Variants in POLR3A observed in about 807,000 individuals in gnomAD.
POLR3A encodes the protein RNA polymerase III subunit A, also known as DNA-directed RNA polymerase III subunit RPC1.
A neutral mutation model predicts 152.8 loss-of-function variants in POLR3A; 112 were observed. The observed-to-expected ratio is 0.73, with a 90% CI of 0.63 to 0.86. POLR3A has a LOEUF of 0.86. Among genes scored for constraint, POLR3A ranks in the 40% least tolerant of loss-of-function variants. The pLI, the probability that POLR3A is intolerant of heterozygous loss-of-function variation, is 0.00. For synonymous variants in POLR3A, 615 were observed against 652.1 expected (o/e 0.94, Z 0.87); for missense variants, 1,385 against 1,743.1 (o/e 0.79, Z 3.66).
intron 19 of POLR3A, among the ~76,000 whole-genome samples, chr10:77,996,646 G>A (rs2131939388): frequency 6.6e-6 from 1 of 151,172 alleles, no homozygotes; most frequent in African/African-American, 2.4e-5. Flanking sequence ...CCAATAACAG[G>A]AGCTGAAATT....
chr10:78,000,810 C>T (rs538849712), intron 18 of POLR3A, among the ~76,000 whole-genome samples, 166 bp downstream of exon 18: 1 of 152,322 alleles, frequency 6.6e-6, no homozygotes, highest in African/African-American at 2.4e-5. Flanking sequence ...AGGCATGAGA[C>T]ACTGTGCCCG....
intron 11 of POLR3A, 94 bp downstream of exon 11, chr10:78,013,556 G>GCT: frequency 1.6e-6 from 2 of 1,275,166 alleles, no homozygotes; most frequent in Non-Finnish European, 2.3e-6. Flanking sequence ...GGCTTCTTTG[G>GCT]CGTTGTTAGT....
rs1847621021 is a variant in POLR3A, at chr10:78,025,209, T to C, written c.319-67A>G. ...ATGAAAAATTATTTTCTTTTAAAAA[T>C]GCCATCGCCCTGTTTTGTACCCTTA... On this transcript the variant is annotated intron_variant, in intron 3 of 30. Transcript: ENST00000372371. The C allele has an allele frequency of 1.1e-5, 17 of 1,563,498 alleles. 2 individuals carry two copies. The South Asian group carries it at 1.2e-4, about 11-fold the overall frequency.
intron 1 of POLR3A, among the ~76,000 whole-genome samples, chr10:78,027,509 A>C (rs2559660): frequency 7.2e-5 from 11 of 152,014 alleles, no homozygotes; most frequent in African/African-American, 2.2e-4. Context: ...AATACAAAAA[A>C]TTTGCTAGGC....
Position 78,020,173 on chromosome 10 carries a change from CAA to C in POLR3A, c.1186-910_1186-909del, listed in dbSNP as rs34239022. 401 of 74,068 alleles carry C rather than the reference CAA, an allele frequency of 5.4e-3. 2 individuals are homozygous for C. The highest frequency in any genetic ancestry group is 8.4e-3 in the East Asian group (21 of 2,500). The allele number at this position is 74,068 out of a possible 1,614,324, so 4.6% of individuals were successfully genotyped here. On this transcript the variant is annotated intron_variant, in intron 8 of 30. Transcript: ENST00000372371. ...TGGGCAATAGAGTGAGACTCAGTCT[CAA>C]AAAAAAAAAAAAAAAAAAAGTGCTA...
chr10:77,985,452 A>G, intron 23 of POLR3A, 112 bp from the exon 24 acceptor site: 1 of 827,712 alleles, frequency 1.2e-6, no homozygotes, highest in Non-Finnish European at 2.1e-6. Flanking sequence ...AGATGCTATT[A>G]GGGTCGGAAA....
intron 17 of POLR3A, among the ~76,000 whole-genome samples, chr10:78,001,310 G>A (rs1238329132): frequency 1.3e-5 from 2 of 152,174 alleles, no homozygotes; most frequent in Non-Finnish European, 2.9e-5. Flanking sequence ...AGCATGTGTG[G>A]GTTGGAGGAA....
intron 21 of POLR3A, 127 bp from the exon 22 acceptor site, chr10:77,986,286 T>A: frequency 1.4e-6 from 1 of 726,644 alleles, no homozygotes; most frequent in South Asian, 1.4e-5. Flanking sequence ...ATATATAGTA[T>A]AAAGGACCCA....
In POLR3A at chr10:77,976,733, G is replaced by A. The variant is rs1173117882; in HGVS notation, c.*745C>T. On this transcript the variant is annotated 3_prime_UTR_variant, in exon 31 of 31. Transcript: ENST00000372371. ...GAGAATGGGTTTGGCTCTTGTCACA[G>A]GGTAGAGCCCCATGATAGGGGTCTG... is the stretch of plus-strand genomic sequence containing the variant. 1 of 152,318 alleles carries A rather than the reference G, an allele frequency of 6.6e-6. No individual in the cohort carries two copies. The highest frequency in any genetic ancestry group is 1.9e-4 in the East Asian group (1 of 5,200). The allele number at this position is 152,318 out of a possible 1,614,324, so 9.4% of individuals were successfully genotyped here.
In POLR3A at chr10:78,026,094, C is replaced by A; in HGVS notation, c.180G>T (p.Met60Ile). 1.2e-6 allele frequency: 2 copies of A among 1,614,026 alleles called. No homozygotes were observed. The highest frequency in any genetic ancestry group is 1.7e-6 in the Non-Finnish European group (2 of 1,179,946). The change falls in exon 2 of 31, where the codon ATG becomes ATT. Residue 60 changes from methionine to isoleucine, a missense_variant and splice_region_variant. Met to Ile is a conservative substitution (Grantham distance 10, BLOSUM62 1). Coordinates refer to ENST00000372371, the MANE Select transcript of POLR3A (RefSeq NM_007055.4). The stretch of plus-strand genomic sequence containing the variant: ...ACCAGGAGGGGTGAGGGGGCCTTAC[C>A]ATCCTATGGTCGAGCACCCCATATA... ...PLLYGVLDHR[M>I]GTSEKDRPCE...
intron 28 of POLR3A, among the ~76,000 whole-genome samples, chr10:77,981,868 C>CAAAAA (rs60259976): frequency 6.3e-5 from 4 of 63,842 alleles, no homozygotes; most frequent in African/African-American, 6.5e-5. Flanking sequence ...ACTAAAAATA[C>CAAAAA]AAAAAAAAAA....
At position 78,025,604 on chromosome 10, in the gene POLR3A, C is replaced by T. The variant is rs756112932; in HGVS notation, c.318+18G>A. On this transcript the variant is annotated intron_variant, in intron 3 of 30. Transcript: ENST00000372371. ...ACTCCAGAATTTATGTCTTGGAAAT[C>T]AGCACCTGTGTGCTTACCTGTAAGA... is the stretch of plus-strand genomic sequence containing the variant. 3.7e-6 allele frequency: 6 copies of T among 1,613,756 alleles called. No individual in the cohort carries two copies. The highest frequency in any genetic ancestry group is 2.2e-5 in the East Asian group (1 of 44,876).
rs112914474 is a variant in POLR3A at position 78,004,367 on chromosome 10, A to G, written c.2247+349T>C. Among the ~76,000 whole-genome samples the G allele has an allele frequency of 2.0e-3, 300 of 152,344 alleles. 3 individuals carry two copies. Among genetic ancestry groups the G allele is most frequent in the African/African-American group, 6.3e-3 (260 of 41,576 alleles). ...AGGCAGGAGCACTCGAGTACCAGTT[A>G]CAGAAGGGACCTGAGTGTGCCACCA... On this transcript the variant is annotated intron_variant, in intron 16 of 30. Transcript: ENST00000372371.
At chr10:77,995,686 A>T (rs1001108842) in intron 19 of POLR3A, among the ~76,000 whole-genome samples, 7 of 152,094 alleles carry the variant, frequency 4.6e-5, no homozygotes, top group Admixed American at 2.6e-4. Context: ...CTACAAAGAG[A>T]CTTAGACTCC....
intron 11 of POLR3A, among the ~76,000 whole-genome samples, chr10:78,010,846 T>C (rs1461010184): frequency 6.6e-6 from 1 of 151,186 alleles, no homozygotes; most frequent in East Asian, 1.9e-4. Flanking sequence ...AAGAAGATTT[T>C]ATTGTTGTTT....
At chr10:78,000,236 T>G in intron 18 of POLR3A, 118 bp from the exon 19 acceptor site, 1 of 835,858 alleles carries the variant, frequency 1.2e-6, no homozygotes, top group Non-Finnish European at 2.0e-6. Flanking sequence ...GGCCAGTATA[T>G]TCTCACTAAA....
intron 30 of POLR3A, 42 bp downstream of exon 30, chr10:77,980,099 A>G (rs1205455791): frequency 1.3e-6 from 2 of 1,589,406 alleles, no homozygotes; most frequent in Admixed American, 3.3e-5. Flanking sequence ...ATTTGTAAAT[A>G]GTAAAGGCCT....
chr10:77,993,937 G>T (rs552355642), intron 19 of POLR3A, among the ~76,000 whole-genome samples: 3 of 152,276 alleles, frequency 2.0e-5, no homozygotes, highest in Non-Finnish European at 2.9e-5. Context: ...GTGGCTCAGT[G>T]AATTAAAGAG....
chr10:77,999,139 C>T lies in POLR3A; in HGVS notation c.2616+842G>A, dbSNP rs374403295. ...ACACAGGAAGGGGAACATCACACAC[C>T]GGGGACTGTTGTGGGGTAGGGGGAG... is the stretch of plus-strand genomic sequence containing the variant. On this transcript the variant is annotated intron_variant, in intron 19 of 30. Transcript: ENST00000372371. Among the ~76,000 whole-genome samples, 59 of 151,858 alleles carry T rather than the reference C, an allele frequency of 3.9e-4. No homozygotes were observed. In the East Asian group the frequency reaches 7.6e-3, roughly 19 times the overall value.
Sources: gnomAD v4.1 joint callset for allele counts (sites outside exome capture counted in the v4.1 genomes callset) on GRCh38, gnomAD v4.1.1 for gene constraint, MANE v1.5 for transcripts, NCBI Gene and HGNC (gene_info 2026-07-23, HGNC 2026-07-21) for gene names.